The following KAT6A variants were observed in gnomAD, a reference collection of about 807,000 sequenced individuals.
KAT6A encodes the protein lysine acetyltransferase 6A.
In KAT6A, 9 loss-of-function variants were observed where a neutral mutation model predicts 198.4. The observed-to-expected ratio is 0.05, with a 90% CI of 0.03 to 0.08. The LOEUF (loss-of-function observed/expected upper bound fraction) is 0.08, where lower values mean the gene tolerates loss of function less well. KAT6A is among the 10% of genes least tolerant of loss of function. The pLI is 1.00. For missense variants in KAT6A, 2,077 were observed against 2,509.9 expected (o/e 0.83, Z 3.69); for synonymous variants, 890 against 883.0 (o/e 1.01, Z -0.14).
At chr8:41,971,226 T>TA (rs60126106) in intron 8 of KAT6A, among the ~76,000 whole-genome samples, 144 of 134,302 alleles carry the variant, frequency 1.1e-3, no homozygotes, top group Middle Eastern at 4.0e-3. Flanking sequence ...AGGTATAATT[T>TA]AAAAAAAAAA....
At chr8:42,022,755 C>CAG (rs758616428) in intron 2 of KAT6A, among the ~76,000 whole-genome samples, 14 of 152,136 alleles carry the variant, frequency 9.2e-5, no homozygotes, top group Non-Finnish European at 1.8e-4. Context: ...GTTATTAATG[C>CAG]AGCACTATTT....
chr8:41,977,932 G>GT (rs1824143005), intron 6 of KAT6A, among the ~76,000 whole-genome samples: 2 of 152,130 alleles, frequency 1.3e-5, no homozygotes, highest in African/African-American at 4.8e-5. Flanking sequence ...TGTAAAAAAA[G>GT]TAAGTAAAAC....
chr8:41,960,983 G>A (rs1432500314), intron 8 of KAT6A, among the ~76,000 whole-genome samples: 1 of 152,146 alleles, frequency 6.6e-6, no homozygotes, highest in Non-Finnish European at 1.5e-5. Context: ...GAATATGGGT[G>A]GAGAAAAACA....
chr8:41,998,885 A>G (rs1825354413), intron 2 of KAT6A, among the ~76,000 whole-genome samples: 1 of 152,146 alleles, frequency 6.6e-6, no homozygotes, highest in African/African-American at 2.4e-5. Flanking sequence ...AAAGACCTAT[A>G]ATTTCCATTA....
At chr8:42,024,690 T>C (rs893413534) in intron 2 of KAT6A, among the ~76,000 whole-genome samples, 1 of 152,188 alleles carries the variant, frequency 6.6e-6, no homozygotes, top group African/African-American at 2.4e-5. Context: ...ACAGCTGTCA[T>C]TCTGTGGCTG....
At chr8:41,937,757 T>C (rs1448479596) in intron 15 of KAT6A, among the ~76,000 whole-genome samples, 189 bp from the exon 16 acceptor site, 2 of 152,200 alleles carry the variant, frequency 1.3e-5, no homozygotes, top group Non-Finnish European at 2.9e-5. Context: ...TACAAAGGTA[T>C]TAGGCAATTG....
rs541941625 is a variant in KAT6A, at chr8:41,986,950, A to C, written c.709+505T>G. On this transcript the variant is annotated intron_variant, in intron 3 of 16. Coordinates refer to ENST00000265713, the MANE Select transcript of KAT6A (RefSeq NM_006766.5). ...CTACTCGGGAGGCTGAGGCTGGAAAATTGCTTGAACTCAGGAGGCAGAGGT... is the reference window on the plus strand; with the variant it reads ...CTACTCGGGAGGCTGAGGCTGGAAACTTGCTTGAACTCAGGAGGCAGAGGT... Among the ~76,000 whole-genome samples the C allele has an allele frequency of 1.4e-4, 21 of 152,274 alleles. No individual in the cohort carries two copies. In the East Asian group the frequency reaches 4.0e-3, roughly 29 times the overall value.
intron 8 of KAT6A, among the ~76,000 whole-genome samples, chr8:41,962,624 C>A (rs1345697964): frequency 3.3e-5 from 5 of 151,982 alleles, no homozygotes; most frequent in African/African-American, 1.2e-4. Flanking sequence ...TCAATCTACA[C>A]AGGAGCCAGA....
At chr8:42,018,906 C>A (rs562408067) in intron 2 of KAT6A, among the ~76,000 whole-genome samples, 1 of 152,154 alleles carries the variant, frequency 6.6e-6, no homozygotes, top group East Asian at 1.9e-4. Flanking sequence ...GGCGACAGAG[C>A]GAGACTCTGC....
At chr8:42,005,806 T>A (rs556201156) in intron 2 of KAT6A, among the ~76,000 whole-genome samples, 288 of 125,228 alleles carry the variant, frequency 2.3e-3, no homozygotes, top group Non-Finnish European at 3.4e-3. Flanking sequence ...ACACTCACTC[T>A]CTTTCTCCCC....
At chr8:42,012,734 T>C (rs1205244434) in intron 2 of KAT6A, among the ~76,000 whole-genome samples, 2 of 152,230 alleles carry the variant, frequency 1.3e-5, no homozygotes, top group South Asian at 2.1e-4. Flanking sequence ...GAAACTACTG[T>C]ACTATATTCA....
intron 2 of KAT6A, among the ~76,000 whole-genome samples, chr8:42,008,839 T>C (rs1825872507): frequency 6.6e-6 from 1 of 152,184 alleles, no homozygotes; most frequent in East Asian, 1.9e-4. Context: ...AATAGCTACA[T>C]GCACCTAATG....
intron 2 of KAT6A, among the ~76,000 whole-genome samples, chr8:42,021,427 T>C (rs1826531201): frequency 6.6e-6 from 1 of 152,188 alleles, no homozygotes; most frequent in South Asian, 2.1e-4. Context: ...CTAAACACAA[T>C]CTTTAAAAAG....
chr8:42,008,019 T>G (rs535507065), intron 2 of KAT6A, among the ~76,000 whole-genome samples: 17 of 148,606 alleles, frequency 1.1e-4, no homozygotes, highest in Non-Finnish European at 1.9e-4. Flanking sequence ...TCCCAATCAA[T>G]TAATTCAAAT....
At chr8:41,996,851 C>T (rs1241730763) in intron 2 of KAT6A, among the ~76,000 whole-genome samples, 1 of 152,150 alleles carries the variant, frequency 6.6e-6, no homozygotes, top group Non-Finnish European at 1.5e-5. Context: ...CAGACTAAGG[C>T]ATACACAAAA....
Position 42,022,539 on chromosome 8 carries a change from G to A in KAT6A, c.600+25839C>T, listed in dbSNP as rs550149956. 5.9e-5 allele frequency among the ~76,000 whole-genome samples: 9 copies of A among 152,216 alleles called. No homozygotes were observed. The South Asian group carries it at 1.9e-3, about 32-fold the overall frequency. On this transcript the variant is annotated intron_variant, in intron 2 of 16. Transcript: ENST00000265713. ...AGTGAAAGCATGTAGTCAAAAGTGG[G>A]TAACGATTTTTCACTTGTCAGACTG...
At chr8:41,958,848 T>C (rs1316785327) in intron 8 of KAT6A, among the ~76,000 whole-genome samples, 1 of 152,162 alleles carries the variant, frequency 6.6e-6, no homozygotes, top group Non-Finnish European at 1.5e-5. Context: ...TCAGGTCAAG[T>C]GGGACTTTAT....
intron 5 of KAT6A, 83 bp from the exon 6 acceptor site, chr8:41,978,860 T>C (rs1824205006): frequency 1.5e-6 from 2 of 1,321,472 alleles, no homozygotes; most frequent in South Asian, 1.3e-5. Flanking sequence ...GTCAGGATCT[T>C]AACTTTTTCA....
chr8:42,039,402 T>C (rs1037489294), intron 2 of KAT6A, among the ~76,000 whole-genome samples: 1 of 152,228 alleles, frequency 6.6e-6, no homozygotes, highest in African/African-American at 2.4e-5. Context: ...TCCTCTTACA[T>C]AGCTAAGAAC....
Sources: allele counts gnomAD v4.1 joint callset (sites outside exome capture counted in the v4.1 genomes callset), GRCh38; gene constraint gnomAD v4.1.1; transcripts MANE v1.5; gene names NCBI Gene and HGNC (gene_info 2026-07-23, HGNC 2026-07-21).